The following DCUN1D2 variants were observed in gnomAD, a reference collection of about 807,000 sequenced individuals.
DCUN1D2 encodes the protein defective in cullin neddylation 1 domain containing 2, also known as DCN1-like protein 2.
A neutral mutation model predicts 30.9 loss-of-function variants in DCUN1D2; 29 were observed. The ratio of observed to expected loss-of-function variants is 0.94; its 90% CI spans 0.70 to 1.28. The LOEUF is 1.28. Among genes scored for constraint, DCUN1D2 ranks in the 50% most tolerant of loss-of-function variants. DCUN1D2 has a pLI of 0.00. For missense variants in DCUN1D2, 325 were observed against 316.9 expected (o/e 1.03, Z -0.19); for synonymous variants, 121 against 115.3 (o/e 1.05, Z -0.32).
At chr13:113,466,801 ATT>A (rs112063279) in intron 4 of DCUN1D2, among the ~76,000 whole-genome samples, 117 of 109,788 alleles carry the variant, frequency 1.1e-3, no homozygotes, top group East Asian at 2.6e-3. Context: ...TGTCCTTTGG[ATT>A]TTTTTTTTTT....
intron 3 of DCUN1D2, 178 bp downstream of exon 3, chr13:113,480,397 T>G: frequency 2.1e-6 from 1 of 476,218 alleles, no homozygotes; most frequent in Non-Finnish European, 3.5e-6. Flanking sequence ...AAGTGTTAAA[T>G]TGAAAATTAA....
chr13:113,480,448 A>C (rs540423338), intron 3 of DCUN1D2, 127 bp downstream of exon 3: 2 of 966,614 alleles, frequency 2.1e-6, no homozygotes, highest in African/African-American at 3.3e-5. Context: ...GTACAGACGC[A>C]TAAGAAATTT....
chr13:113,460,190 G>A (rs1028600512), intron 5 of DCUN1D2, among the ~76,000 whole-genome samples: 2 of 152,172 alleles, frequency 1.3e-5, no homozygotes, highest in South Asian at 2.1e-4. Flanking sequence ...ACTGAGTGAC[G>A]TCACCTTCCA....
chr13:113,482,204 C>T (rs1468909681), intron 2 of DCUN1D2, among the ~76,000 whole-genome samples: 4 of 152,120 alleles, frequency 2.6e-5, no homozygotes, highest in Non-Finnish European at 4.4e-5. Context: ...CTTAGAACTA[C>T]GTTTATTTTT....
intron 6 of DCUN1D2, among the ~76,000 whole-genome samples, chr13:113,458,890 C>T (rs1305480014): frequency 2.0e-5 from 3 of 152,178 alleles, no homozygotes; most frequent in East Asian, 3.9e-4. Context: ...GGCCCTCCAA[C>T]GCAGAGTCCT....
At chr13:113,489,054 G>A (rs1353866571) in intron 1 of DCUN1D2, 5 of 938,566 alleles carry the variant, frequency 5.3e-6, no homozygotes, top group Non-Finnish European at 6.4e-6. Context: ...AAAATGGAAA[G>A]AAATTACTCT....
intron 4 of DCUN1D2, among the ~76,000 whole-genome samples, chr13:113,471,939 C>T (rs577661521): frequency 6.6e-6 from 1 of 152,302 alleles, no homozygotes; most frequent in African/African-American, 2.4e-5. Flanking sequence ...GCAAAGACCA[C>T]CCACAACGAC....
chr13:113,467,129 C>T (rs993367865), intron 4 of DCUN1D2, among the ~76,000 whole-genome samples: 4 of 151,910 alleles, frequency 2.6e-5, no homozygotes, highest in African/African-American at 4.8e-5. Context: ...TGTTAAACCT[C>T]GTTTTTTCCC....
intron 5 of DCUN1D2, among the ~76,000 whole-genome samples, chr13:113,460,148 G>A (rs1332948964): frequency 2.0e-5 from 3 of 152,212 alleles, no homozygotes; most frequent in Non-Finnish European, 4.4e-5. Context: ...ACACATAGCT[G>A]CAAAGACGTC....
At chr13:113,477,235 AT>A (rs1156778274) in intron 3 of DCUN1D2, among the ~76,000 whole-genome samples, 2 of 152,260 alleles carry the variant, frequency 1.3e-5, no homozygotes, top group East Asian at 3.8e-4. Context: ...AAAGCTAAGG[AT>A]AAAATACTGT....
chr13:113,463,529 TA>T (rs978658911), intron 4 of DCUN1D2, among the ~76,000 whole-genome samples: 58 of 139,846 alleles, frequency 4.1e-4, no homozygotes, highest in Admixed American at 8.6e-4. Context: ...CTCACCTCTT[TA>T]AAAAAAAAAA....
chr13:113,459,209 C>A, intron 6 of DCUN1D2, 103 bp downstream of exon 6: 1 of 700,996 alleles, frequency 1.4e-6, no homozygotes, highest in East Asian at 2.5e-5. Context: ...GTATTATGAC[C>A]ACGCCCATCT....
In DCUN1D2 at chr13:113,488,765, G is replaced by C. The variant is rs1056442970; in HGVS notation, c.3+1902C>G. ...AATCAAGGTGGATACACTGGAACTAGGGCCGCCCTTCAAGCTCACAACCTT... is the reference window on the plus strand; with the variant it reads ...AATCAAGGTGGATACACTGGAACTACGGCCGCCCTTCAAGCTCACAACCTT... On this transcript the variant is annotated intron_variant, in intron 1 of 6. Transcript: ENST00000478244. This position sits in a 1 kb window ranked among gnomAD's most constrained non-coding sequence, Gnocchi z 4.3. Among the ~76,000 whole-genome samples, 1 of 152,180 alleles carries C rather than the reference G, an allele frequency of 6.6e-6. No individual in the cohort carries two copies. Among genetic ancestry groups the C allele is most frequent in the Admixed American group, 6.5e-5 (1 of 15,284 alleles).
intron 4 of DCUN1D2, chr13:113,462,694 G>A: frequency 1.0e-6 from 1 of 966,564 alleles, no homozygotes; most frequent in Non-Finnish European, 1.2e-6. Context: ...GAGAGAGTCA[G>A]AAAGTGCCAA....
chr13:113,463,343 T>C (rs1458107168), intron 4 of DCUN1D2, among the ~76,000 whole-genome samples: 1 of 152,122 alleles, frequency 6.6e-6, no homozygotes, highest in African/African-American at 2.4e-5. Context: ...AAAAAGTACC[T>C]TAGGGCAGAC....
At chr13:113,487,536 G>A (rs149648402) in intron 1 of DCUN1D2, among the ~76,000 whole-genome samples, 2 of 152,220 alleles carry the variant, frequency 1.3e-5, no homozygotes, top group Admixed American at 6.5e-5. Flanking sequence ...CACAGTGCAC[G>A]AGTCCAGCCA....
chr13:113,479,411 A>G (rs1471025087), intron 3 of DCUN1D2, among the ~76,000 whole-genome samples: 1 of 152,184 alleles, frequency 6.6e-6, no homozygotes, highest in Non-Finnish European at 1.5e-5. Context: ...TATGCCTCAA[A>G]GCTGTTTTAG....
At position 113,472,319 on chromosome 13, in the gene DCUN1D2, G is replaced by A. The variant is rs2044533353; in HGVS notation, c.520+1805C>T. 2.0e-5 allele frequency among the ~76,000 whole-genome samples: 3 copies of A among 152,284 alleles called. No homozygotes were observed. The South Asian group carries it at 6.2e-4, about 32-fold the overall frequency. On this transcript the variant is annotated intron_variant, in intron 4 of 6. Coordinates refer to ENST00000478244, the MANE Select transcript of DCUN1D2 (RefSeq NM_001014283.2). ...AAAAAAATAAAAAAATAAAAAGCCT[G>A]GAAACGACGACTCTGAATGAGCACC...
At chr13:113,475,623 A>T (rs957090087) in intron 3 of DCUN1D2, among the ~76,000 whole-genome samples, 1 of 152,174 alleles carries the variant, frequency 6.6e-6, no homozygotes, top group Non-Finnish European at 1.5e-5. Context: ...ATGGTGGCTC[A>T]TTCCTGTAAT....
Sources: allele counts gnomAD v4.1 joint callset (sites outside exome capture counted in the v4.1 genomes callset), GRCh38; gene constraint gnomAD v4.1.1; non-coding constraint Gnocchi (gnomAD v3.1); transcripts MANE v1.5; gene names NCBI Gene and HGNC (gene_info 2026-07-23, HGNC 2026-07-21).